CHST9: variants seen among roughly 807,000 people sequenced by gnomAD.
The protein encoded by CHST9 is carbohydrate sulfotransferase 9.
Under a neutral mutation model 44.4 loss-of-function variants are expected in CHST9, and 41 were observed. The ratio of observed to expected loss-of-function variants is 0.92; its 90% CI spans 0.72 to 1.20. The LOEUF (loss-of-function observed/expected upper bound fraction) is 1.20, where lower values mean the gene tolerates loss of function less well. CHST9 is among the 50% of genes most tolerant of loss of function. The probability of loss-of-function intolerance (pLI) is 0.00; values close to 1 mark genes in which losing one functional copy is unlikely to be tolerated. For missense variants in CHST9, 504 were observed against 516.5 expected, an observed-to-expected ratio of 0.98 and a Z score of 0.23; for synonymous variants, 171 against 178.4, an observed-to-expected ratio of 0.96 and a Z score of 0.33.
rs866361223 is a variant in CHST9 at position 27,037,494 on chromosome 18, A to G, written c.160+10971T>C. ...CACTGGAGCTCAGGAGTTCAAGACCATCCTGGGCAACATAGTGAGACCTTG... is the reference window on the plus strand; with the variant it reads ...CACTGGAGCTCAGGAGTTCAAGACCGTCCTGGGCAACATAGTGAGACCTTG... On this transcript the variant is annotated intron_variant, in intron 3 of 5. Transcript: ENST00000618847. 3.3e-5 allele frequency among the ~76,000 whole-genome samples: 5 copies of G among 152,192 alleles called. No homozygotes were observed. The South Asian group carries it at 8.3e-4, about 25-fold the overall frequency.
intron 5 of CHST9, among the ~76,000 whole-genome samples, chr18:26,931,761 GA>G (rs2145087503): frequency 6.6e-6 from 1 of 152,230 alleles, no homozygotes; most frequent in East Asian, 1.9e-4. Context: ...AGTATGGACT[GA>G]GGGCTTCACA....
intron 4 of CHST9, among the ~76,000 whole-genome samples, chr18:26,969,407 A>G (rs1037476089): frequency 5.9e-5 from 8 of 134,706 alleles, no homozygotes; most frequent in Non-Finnish European, 9.7e-5. Flanking sequence ...TGTGTGTGTT[A>G]AGCCCTAATA....
chr18:27,102,281 G>A (rs1303863767), intron 2 of CHST9, among the ~76,000 whole-genome samples: 1 of 152,192 alleles, frequency 6.6e-6, no homozygotes, highest in African/African-American at 2.4e-5. Context: ...GTAAATGTAA[G>A]TAAGCATTTT....
Position 26,978,274 on chromosome 18 carries a change from TGA to T in CHST9, c.203-33910_203-33909del, listed in dbSNP as rs925447002. On this transcript the variant is annotated intron_variant, in intron 4 of 5. Transcript: ENST00000618847. ...TTTCTCTTTTTCTGATGTGTGTGTGTGAGTGTGTGTATGTGTGTGTGTGTGTG... is the reference window on the plus strand; with the variant it reads ...TTTCTCTTTTTCTGATGTGTGTGTGTGTGTGTGTATGTGTGTGTGTGTGTG... Among the ~76,000 whole-genome samples, 3 of 137,238 alleles carry T rather than the reference TGA, an allele frequency of 2.2e-5. No homozygotes were observed. The East Asian group carries it at 6.9e-4, about 32-fold the overall frequency. 90.0% of individuals were successfully genotyped at this position (137,238 alleles called of 152,430 possible).
intron 4 of CHST9, among the ~76,000 whole-genome samples, chr18:26,953,226 G>A (rs1175697064): frequency 6.6e-6 from 1 of 152,182 alleles, no homozygotes; most frequent in Non-Finnish European, 1.5e-5. Flanking sequence ...ACCTGTCTTT[G>A]TAACAGGAAT....
chr18:26,926,219 A>G (rs953344873), intron 5 of CHST9, among the ~76,000 whole-genome samples: 1 of 152,224 alleles, frequency 6.6e-6, no homozygotes, highest in Non-Finnish European at 1.5e-5. Context: ...TTGTGAGGCT[A>G]TTCAAGTTGA....
At chr18:27,141,742 TA>T (rs35595422) in intron 2 of CHST9, among the ~76,000 whole-genome samples, 48,389 of 121,944 alleles carry the variant, frequency 0.4, 8,398 homozygotes, top group Non-Finnish European at 0.45. Context: ...TAGAATAACT[TA>T]AAAAAAAAAA....
At chr18:26,937,797 T>G (rs1282365774) in intron 5 of CHST9, among the ~76,000 whole-genome samples, 1 of 152,192 alleles carries the variant, frequency 6.6e-6, no homozygotes, top group African/African-American at 2.4e-5. Context: ...ACAAAAAGCT[T>G]GTCAAGCATT....
At chr18:27,109,135 T>C (rs566517868) in intron 2 of CHST9, among the ~76,000 whole-genome samples, 8 of 152,256 alleles carry the variant, frequency 5.3e-5, no homozygotes, top group African/African-American at 1.9e-4. Flanking sequence ...CAAATCCCAC[T>C]ACACAGCAAG....
At chr18:26,979,008 T>C (rs181864068) in intron 4 of CHST9, among the ~76,000 whole-genome samples, 1 of 151,284 alleles carries the variant, frequency 6.6e-6, no homozygotes, top group African/African-American at 2.4e-5. Context: ...CCGTTTTTTT[T>C]ATTTATTTTA....
rs142329666 is a variant in CHST9, at chr18:27,042,695, C to T, written c.160+5770G>A. 3.5e-4 allele frequency among the ~76,000 whole-genome samples: 53 copies of T among 152,182 alleles called. No individual in the cohort carries two copies. In the East Asian group the frequency reaches 4.7e-3, roughly 13 times the overall value. ...AAAGGCTCAAATAGAAGATACTGGG[C>T]GCAGAGCCTGAAAATAGTGGTTCAA... On this transcript the variant is annotated intron_variant, in intron 3 of 5. Transcript: ENST00000618847.
chr18:27,127,455 G>A (rs1421352357), intron 2 of CHST9, among the ~76,000 whole-genome samples: 1 of 152,144 alleles, frequency 6.6e-6, no homozygotes, highest in Non-Finnish European at 1.5e-5. Context: ...TTAATGGTGG[G>A]AAGGTGGTTG....
chr18:27,002,899 T>C (rs1447046958), intron 4 of CHST9, among the ~76,000 whole-genome samples: 1 of 152,184 alleles, frequency 6.6e-6, no homozygotes, highest in East Asian at 1.9e-4. Context: ...GAAATGTTAA[T>C]GGCAGAAATG....
At chr18:27,078,524 A>G (rs755431763) in intron 2 of CHST9, among the ~76,000 whole-genome samples, 2 of 152,174 alleles carry the variant, frequency 1.3e-5, no homozygotes, top group Non-Finnish European at 2.9e-5. Flanking sequence ...AACCTTAAAA[A>G]CATCTTAAAA....
At chr18:27,182,205 AC>A (rs2058917751) in intron 1 of CHST9, among the ~76,000 whole-genome samples, 1 of 152,222 alleles carries the variant, frequency 6.6e-6, no homozygotes, top group Non-Finnish European at 1.5e-5. Flanking sequence ...TTTTTAGGAT[AC>A]AGAAAAATAA....
chr18:26,988,122 A>G (rs1568122427), intron 4 of CHST9, among the ~76,000 whole-genome samples: 2 of 152,314 alleles, frequency 1.3e-5, no homozygotes, highest in East Asian at 3.9e-4. Flanking sequence ...TTAATCCAAA[A>G]GATGGCTGAC....
intron 4 of CHST9, among the ~76,000 whole-genome samples, chr18:26,970,033 T>C (rs1430872135): frequency 6.6e-6 from 1 of 152,168 alleles, no homozygotes; most frequent in Non-Finnish European, 1.5e-5. Flanking sequence ...CCAGAGCACC[T>C]TCTCCAGGGC....
chr18:27,113,493 C>G (rs1419232599), intron 2 of CHST9, among the ~76,000 whole-genome samples: 1 of 152,114 alleles, frequency 6.6e-6, no homozygotes, highest in South Asian at 2.1e-4. Context: ...TTGTGTCCCC[C>G]TAATAGTCAT....
chr18:26,973,533 G>A (rs1048717293), intron 4 of CHST9, among the ~76,000 whole-genome samples: 1 of 152,254 alleles, frequency 6.6e-6, no homozygotes, highest in Non-Finnish European at 1.5e-5. Context: ...GAATGGCGTT[G>A]AATGTGGCCG....
Sources: gnomAD v4.1 joint callset for allele counts (sites outside exome capture counted in the v4.1 genomes callset) on GRCh38, gnomAD v4.1.1 for gene constraint, MANE v1.5 for transcripts, NCBI Gene and HGNC (gene_info 2026-07-23, HGNC 2026-07-21) for gene names.